GCH1: variants seen among roughly 807,000 people sequenced by gnomAD.
GCH1 encodes GTP cyclohydrolase I.
A neutral mutation model predicts 25.9 loss-of-function variants in GCH1; 5 were observed. That is an observed-to-expected ratio of 0.19 (90% CI 0.10 to 0.41). The LOEUF is 0.41. Among genes scored for constraint, GCH1 ranks in the 10% least tolerant of loss-of-function variants. The pLI is 1.00. For synonymous variants in GCH1, 159 were observed against 129.6 expected (o/e 1.23, Z -1.54); for missense variants, 261 against 336.5 (o/e 0.78, Z 1.75).
intron 1 of GCH1, among the ~76,000 whole-genome samples, chr14:54,881,611 C>T (rs1440869091): frequency 2.6e-5 from 4 of 152,108 alleles, no homozygotes; most frequent in Non-Finnish European, 5.9e-5. Context: ...GACACAATGG[C>T]GGAAACTAAG....
In GCH1 at chr14:54,842,786, C is replaced by T. The variant is rs578152963; in HGVS notation, c.*1231G>A. The T allele has an allele frequency of 8.6e-5, 34 of 396,192 alleles. No individual in the cohort carries two copies. Among genetic ancestry groups the T allele is most frequent in the East Asian group, 6.6e-4 (18 of 27,196 alleles). The allele number at this position is 396,192 out of a possible 1,614,324, so 24.5% of individuals were successfully genotyped here. ...GTTTTGTTTGTTTTAATTTGGCCCA[C>T]GCTGCCCCAATGGAGGAAATTTTAA... On this transcript the variant is annotated 3_prime_UTR_variant, in exon 6 of 6. Transcript: ENST00000491895.
intron 3 of GCH1, among the ~76,000 whole-genome samples, chr14:54,855,263 T>C (rs1031260764): frequency 1.3e-5 from 2 of 151,992 alleles, no homozygotes; most frequent in African/African-American, 4.8e-5. Context: ...CCCAGCACTT[T>C]GGGAGGCTGG....
intron 1 of GCH1, among the ~76,000 whole-genome samples, chr14:54,900,720 T>C (rs2140124662): frequency 6.6e-6 from 1 of 152,300 alleles, no homozygotes. Flanking sequence ...CACTGTCCTA[T>C]GAATTCTCTT....
intron 3 of GCH1, among the ~76,000 whole-genome samples, chr14:54,849,750 T>C (rs991682713): frequency 2.6e-5 from 4 of 152,202 alleles, no homozygotes; most frequent in African/African-American, 9.6e-5. Flanking sequence ...CTCCCAGTCT[T>C]CCATGTTTCT....
intron 1 of GCH1, 54 bp downstream of exon 1, chr14:54,902,267 T>G: frequency 6.3e-7 from 1 of 1,587,050 alleles, no homozygotes; most frequent in Non-Finnish European, 8.6e-7. Context: ...GCGCGTTTCC[T>G]GCAAGCACCG....
At chr14:54,876,926 G>C (rs2040170453) in intron 1 of GCH1, among the ~76,000 whole-genome samples, 1 of 151,982 alleles carries the variant, frequency 6.6e-6, no homozygotes, top group Non-Finnish European at 1.5e-5. Flanking sequence ...TTTGACCTTG[G>C]AATCATGTAA....
intron 3 of GCH1, among the ~76,000 whole-genome samples, chr14:54,856,430 C>T (rs572103428): frequency 6.6e-6 from 1 of 152,176 alleles, no homozygotes; most frequent in South Asian, 2.1e-4. Context: ...TTCAAGATTT[C>T]GTACATTCAC....
At position 54,871,104 on chromosome 14, in the gene GCH1, G is replaced by T. The variant is rs537197645; in HGVS notation, c.344-5668C>A. Among the ~76,000 whole-genome samples, 13 of 152,286 alleles carry T rather than the reference G, an allele frequency of 8.5e-5. No individual in the cohort carries two copies. In the South Asian group the frequency reaches 2.7e-3, roughly 32 times the overall value. On this transcript the variant is annotated intron_variant, in intron 1 of 5. Transcript: ENST00000491895. ...CTAACTGGGAGGCACCCCCAAGGAG[G>T]GGCAGACTGACACCTCACACAGCCG...
intron 3 of GCH1, among the ~76,000 whole-genome samples, chr14:54,857,261 T>C (rs1186893809): frequency 6.6e-6 from 1 of 152,238 alleles, no homozygotes; most frequent in Admixed American, 6.5e-5. Context: ...TATTGTTTCA[T>C]AAAAGCTTAA....
chr14:54,902,377 C>T lies in GCH1; in HGVS notation c.287G>A (p.Trp96Ter), dbSNP rs1482120639. Reference sequence around the variant, plus strand: ...GAACTGCATGGCCGAGGCCGCCCTCCAGGGCGTCTTGAGCAGCCCTTGCCG... The same window carrying T: ...GAACTGCATGGCCGAGGCCGCCCTCTAGGGCGTCTTGAGCAGCCCTTGCCG... Reference protein sequence around the residue: ...PQRQGLLKTPWRAASAMQFFT... With the variant: ...PQRQGLLKTP The change falls in exon 1 of 6, where the codon TGG (tryptophan) becomes TAG (stop). Residue 96 changes from tryptophan to a stop codon, truncating the protein, a stop_gained. Transcript: ENST00000491895. LOFTEE classifies it high-confidence loss of function. 6.2e-7 allele frequency: 1 copy of T among 1,613,180 alleles called. No homozygotes were observed. The highest frequency in any genetic ancestry group is 8.5e-7 in the Non-Finnish European group (1 of 1,179,864).
At position 54,899,241 on chromosome 14, in the gene GCH1, C is replaced by T. The variant is rs115935444; in HGVS notation, c.343+3080G>A. 8.9e-3 allele frequency among the ~76,000 whole-genome samples: 1,350 copies of T among 152,162 alleles called. 21 individuals are homozygous for T. Among genetic ancestry groups the T allele is most frequent in the African/African-American group, 0.031 (1,287 of 41,506 alleles). On this transcript the variant is annotated intron_variant, in intron 1 of 5. Coordinates refer to ENST00000491895, the MANE Select transcript of GCH1 (RefSeq NM_000161.3). Reference sequence around the variant, plus strand: ...TCTGGGAAGCCAAGGCAGGCAGATCCCTTGAGCTCAGGAGTTCAAGACCAG... The same window carrying T: ...TCTGGGAAGCCAAGGCAGGCAGATCTCTTGAGCTCAGGAGTTCAAGACCAG...
rs1001914391 is a variant in GCH1, at chr14:54,871,072, G to A, written c.344-5636C>T. On this transcript the variant is annotated intron_variant, in intron 1 of 5. Coordinates refer to ENST00000491895, the MANE Select transcript of GCH1 (RefSeq NM_000161.3). ...CTCCTAAAGTGGGTCCCTGACCCCC[G>A]AGTAGCCTAACTGGGAGGCACCCCC... 6.6e-5 allele frequency among the ~76,000 whole-genome samples: 10 copies of A among 152,196 alleles called. No individual in the cohort carries two copies. The South Asian group carries it at 1.2e-3, about 19-fold the overall frequency.
intron 2 of GCH1, among the ~76,000 whole-genome samples, chr14:54,860,171 G>A (rs1302157943): frequency 3.9e-5 from 6 of 152,132 alleles, no homozygotes; most frequent in Non-Finnish European, 8.8e-5. Context: ...GCTTGAAAAA[G>A]AGCCATGTCT....
chr14:54,895,857 G>T (rs2040477122), intron 1 of GCH1, among the ~76,000 whole-genome samples: 1 of 152,188 alleles, frequency 6.6e-6, no homozygotes, highest in Non-Finnish European at 1.5e-5. Flanking sequence ...GTCCAGTAGG[G>T]AATAGTACTA....
chr14:54,853,768 G>C (rs748283437), intron 3 of GCH1, among the ~76,000 whole-genome samples: 3 of 151,716 alleles, frequency 2.0e-5, no homozygotes, highest in Admixed American at 6.6e-5. Context: ...GGCTTATCAG[G>C]CTTTGTTATC....
chr14:54,877,666 G>A (rs969940726), intron 1 of GCH1, among the ~76,000 whole-genome samples: 3 of 151,926 alleles, frequency 2.0e-5, no homozygotes, highest in Non-Finnish European at 4.4e-5. Context: ...GCTAATTTTT[G>A]TATTTTTTTG....
At position 54,880,831 on chromosome 14, in the gene GCH1, CAT is replaced by C. The variant is rs542373321; in HGVS notation, c.344-15397_344-15396del. Reference sequence around the variant, plus strand: ...ACTCCATATATATATATATATACTCCATATATATATATACTCCATATATATAT... The same window carrying C: ...ACTCCATATATATATATATATACTCCATATATATATACTCCATATATATAT... On this transcript the variant is annotated intron_variant, in intron 1 of 5. Transcript: ENST00000491895. 8.1e-4 allele frequency among the ~76,000 whole-genome samples: 48 copies of C among 59,470 alleles called. 8 individuals are homozygous for C. Among genetic ancestry groups the C allele is most frequent in the African/African-American group, 6.2e-3 (45 of 7,266 alleles). The allele number at this position is 59,470 out of a possible 152,430, so 39.0% of individuals were successfully genotyped here.
At chr14:54,845,044 G>A (rs1412955986) in intron 5 of GCH1, among the ~76,000 whole-genome samples, 1 of 151,974 alleles carries the variant, frequency 6.6e-6, no homozygotes, top group Non-Finnish European at 1.5e-5. Flanking sequence ...GTGGTGGCGG[G>A]CACCTGTAAT....
chr14:54,900,611 C>G (rs2040551390), intron 1 of GCH1, among the ~76,000 whole-genome samples: 1 of 152,170 alleles, frequency 6.6e-6, no homozygotes, highest in Admixed American at 6.5e-5. Context: ...AACCATTTCT[C>G]AAGTAAATCT....
Sources: allele counts gnomAD v4.1 joint callset (sites outside exome capture counted in the v4.1 genomes callset), GRCh38; gene constraint gnomAD v4.1.1; transcripts MANE v1.5; gene names NCBI Gene and HGNC (gene_info 2026-07-23, HGNC 2026-07-21).